Variants in KCNJ6 observed in about 807,000 individuals in gnomAD.
KCNJ6 encodes G protein-activated inward rectifier potassium channel 2.
Under a neutral mutation model 34.2 loss-of-function variants are expected in KCNJ6, and 9 were observed. The ratio of observed to expected loss-of-function variants is 0.26; its 90% CI spans 0.16 to 0.46. The LOEUF (loss-of-function observed/expected upper bound fraction) is 0.46. KCNJ6 is among the 20% of genes least tolerant of loss of function. KCNJ6 has a pLI of 1.00. For missense variants in KCNJ6, 236 were observed against 531.3 expected, an observed-to-expected ratio of 0.44 and a Z score of 5.46; for synonymous variants, 196 against 207.1, an observed-to-expected ratio of 0.95 and a Z score of 0.46.
chr21:37,857,979 A>G (rs1225699311), intron 1 of KCNJ6, among the ~76,000 whole-genome samples: 1 of 152,226 alleles, frequency 6.6e-6, no homozygotes. Context: ...AAGAAAATAA[A>G]TATCAAACTG....
At chr21:37,846,115 G>A (rs1322538088) in intron 1 of KCNJ6, among the ~76,000 whole-genome samples, 1 of 152,088 alleles carries the variant, frequency 6.6e-6, no homozygotes, top group African/African-American at 2.4e-5. Flanking sequence ...TTAATTTTCT[G>A]TCTGAACTTT....
chr21:37,623,146 G>A lies in KCNJ6; in HGVS notation c.*2013C>T, dbSNP rs1484987797. ...AAACAGGAAAGGGCTATAGCCAACA[G>A]TTTTGTTTTCCTTAAAGTCAGTGCC... On this transcript the variant is annotated 3_prime_UTR_variant, in exon 4 of 4. Transcript: ENST00000609713. 6.6e-6 allele frequency: 1 copy of A among 152,282 alleles called. No homozygotes were observed. Among genetic ancestry groups the A allele is most frequent in the Non-Finnish European group, 1.5e-5 (1 of 68,058 alleles). 9.4% of individuals were successfully genotyped at this position (152,282 alleles called of 1,614,324 possible).
At chr21:37,639,681 G>T (rs1332720316) in intron 3 of KCNJ6, among the ~76,000 whole-genome samples, 2 of 152,196 alleles carry the variant, frequency 1.3e-5, no homozygotes, top group African/African-American at 4.8e-5. Context: ...ATTTCTGCTA[G>T]ATCCTTGATA....
chr21:37,771,783 CAA>C (rs2055118866), intron 2 of KCNJ6, among the ~76,000 whole-genome samples: 1 of 152,110 alleles, frequency 6.6e-6, no homozygotes, highest in Non-Finnish European at 1.5e-5. Context: ...TGGAACTTCC[CAA>C]AGTATGCTTT....
intron 1 of KCNJ6, among the ~76,000 whole-genome samples, chr21:37,883,184 G>A (rs1426233867): frequency 6.6e-6 from 1 of 152,220 alleles, no homozygotes; most frequent in Non-Finnish European, 1.5e-5. Flanking sequence ...GGCAGTTTTT[G>A]CTGAAAATGT....
chr21:37,681,947 C>G (rs1297452986), intron 3 of KCNJ6, among the ~76,000 whole-genome samples: 1 of 152,210 alleles, frequency 6.6e-6, no homozygotes. Flanking sequence ...TGAACACCAG[C>G]TGCCCTATTT....
At chr21:37,826,580 C>CT (rs2055400010) in intron 2 of KCNJ6, among the ~76,000 whole-genome samples, 1 of 151,258 alleles carries the variant, frequency 6.6e-6, no homozygotes, top group African/African-American at 2.4e-5. Context: ...CTGATAAATA[C>CT]TTAGTGACTA....
intron 2 of KCNJ6, among the ~76,000 whole-genome samples, chr21:37,761,794 CAT>C (rs1268521140): frequency 6.6e-6 from 1 of 151,334 alleles, no homozygotes; most frequent in East Asian, 1.9e-4. Context: ...GGTATGTGTG[CAT>C]ATGTTGTGTA....
intron 1 of KCNJ6, among the ~76,000 whole-genome samples, chr21:37,900,519 G>C (rs1417216950): frequency 1.3e-5 from 2 of 152,230 alleles, no homozygotes; most frequent in Non-Finnish European, 2.9e-5. Flanking sequence ...CATGCAATTT[G>C]CGTGGCGTGT....
chr21:37,875,985 C>T (rs1024037847), intron 1 of KCNJ6, among the ~76,000 whole-genome samples: 1 of 152,184 alleles, frequency 6.6e-6, no homozygotes, highest in Non-Finnish European at 1.5e-5. Context: ...TGGGGACCAT[C>T]GATAGTATTA....
rs75461781 is a variant in KCNJ6 at position 37,846,852 on chromosome 21, A to G, written c.-27-6143T>C. ...CTCCCGCCCTGTTCTTCAGGTTCTCAACAAATGCACCAGCCCTGGCCCCTC... is the reference window on the plus strand; with the variant it reads ...CTCCCGCCCTGTTCTTCAGGTTCTCGACAAATGCACCAGCCCTGGCCCCTC... On this transcript the variant is annotated intron_variant, in intron 1 of 3. Transcript: ENST00000609713. Among the ~76,000 whole-genome samples, 7 of 152,220 alleles carry G rather than the reference A, an allele frequency of 4.6e-5. No individual in the cohort carries two copies. The East Asian group carries it at 1.4e-3, about 29-fold the overall frequency.
intron 2 of KCNJ6, among the ~76,000 whole-genome samples, chr21:37,716,689 T>C: frequency 6.6e-6 from 1 of 152,194 alleles, no homozygotes; most frequent in Non-Finnish European, 1.5e-5. Context: ...AGTTATGTTG[T>C]TTCTTATGGC....
chr21:37,709,971 G>A (rs1177184209), intron 3 of KCNJ6, among the ~76,000 whole-genome samples: 1 of 152,102 alleles, frequency 6.6e-6, no homozygotes, highest in Non-Finnish European at 1.5e-5. Flanking sequence ...TCTATAAAGT[G>A]TTCTCTGGTG....
At chr21:37,878,155 AC>A (rs1347333982) in intron 1 of KCNJ6, among the ~76,000 whole-genome samples, 2 of 152,242 alleles carry the variant, frequency 1.3e-5, no homozygotes, top group Admixed American at 1.3e-4. Context: ...GGGAGAAAAC[AC>A]AGTAAAATGC....
At chr21:37,876,227 G>A (rs192643758) in intron 1 of KCNJ6, among the ~76,000 whole-genome samples, 54 of 152,268 alleles carry the variant, frequency 3.5e-4, no homozygotes, top group Admixed American at 1.8e-3. Flanking sequence ...GGACCGGGCC[G>A]TCTCATTTCA....
At position 37,613,046 on chromosome 21, in the gene KCNJ6, T is replaced by A. The variant is rs1601386107; in HGVS notation, c.*12113A>T. 1 of 152,228 alleles carries A rather than the reference T, an allele frequency of 6.6e-6. No homozygotes were observed. The highest frequency in any genetic ancestry group is 1.9e-4 in the East Asian group (1 of 5,188). 9.4% of individuals were successfully genotyped at this position (152,228 alleles called of 1,614,324 possible). ...AAATATTTACAGAAGACACATCTGA[T>A]AAAGAATTATTATCTAAAATTTACA... On this transcript the variant is annotated 3_prime_UTR_variant, in exon 4 of 4. Transcript: ENST00000609713.
chr21:37,888,281 A>G (rs1371529490), intron 1 of KCNJ6, among the ~76,000 whole-genome samples: 1 of 152,146 alleles, frequency 6.6e-6, no homozygotes, highest in African/African-American at 2.4e-5. Context: ...CATTCTCAGT[A>G]ATTCCCTTTT....
chr21:37,778,576 A>G (rs752200608), intron 2 of KCNJ6, among the ~76,000 whole-genome samples: 114 of 152,236 alleles, frequency 7.5e-4, no homozygotes, highest in Admixed American at 4.6e-3. Flanking sequence ...TTGACATCAG[A>G]TAATTCTGTA....
chr21:37,682,814 G>A (rs916104829), intron 3 of KCNJ6, among the ~76,000 whole-genome samples: 1 of 152,136 alleles, frequency 6.6e-6, no homozygotes, highest in African/African-American at 2.4e-5. Flanking sequence ...TCCTTGGGGT[G>A]GGGCCAATTC....
Sources: gnomAD v4.1 joint callset for allele counts (sites outside exome capture counted in the v4.1 genomes callset) on GRCh38, gnomAD v4.1.1 for gene constraint, MANE v1.5 for transcripts, NCBI Gene and HGNC (gene_info 2026-07-23, HGNC 2026-07-21) for gene names.